The following CBLB variants were observed in gnomAD, a reference collection of about 807,000 sequenced individuals.
The protein encoded by CBLB is Cbl proto-oncogene B, also known as E3 ubiquitin-protein ligase CBL-B.
CBLB carries 31 observed loss-of-function variants against 104.9 expected under a neutral mutation model. The observed-to-expected ratio is 0.30, with a 90% CI of 0.22 to 0.40. The LOEUF is 0.40. Ranked by LOEUF, CBLB falls within the 10% of genes least tolerant of loss-of-function variation. The pLI is 1.00. For missense variants in CBLB, 1,062 were observed against 1,214.6 expected, an observed-to-expected ratio of 0.87 and a Z score of 1.87; for synonymous variants, 440 against 422.6, an observed-to-expected ratio of 1.04 and a Z score of -0.51.
intron 3 of CBLB, among the ~76,000 whole-genome samples, chr3:105,841,475 C>T (rs769916314): frequency 1.1e-4 from 17 of 151,358 alleles, no homozygotes; most frequent in South Asian, 2.1e-4. Context: ...TTTTTTGAGA[C>T]GGGGTCTCAC....
intron 6 of CBLB, among the ~76,000 whole-genome samples, chr3:105,741,123 G>A (rs1156991078): frequency 3.6e-5 from 4 of 111,700 alleles, no homozygotes; most frequent in East Asian, 2.7e-4. Flanking sequence ...TTTTTGAGAC[G>A]GAGTCTTACT....
intron 3 of CBLB, among the ~76,000 whole-genome samples, chr3:105,817,786 G>A (rs1027843563): frequency 2.0e-5 from 3 of 152,146 alleles, no homozygotes; most frequent in Admixed American, 2.0e-4. Flanking sequence ...AAGTTTTCAG[G>A]TTAATGTGAG....
At chr3:105,768,156 G>T (rs914169856) in intron 4 of CBLB, among the ~76,000 whole-genome samples, 1 of 152,140 alleles carries the variant, frequency 6.6e-6, no homozygotes, top group Non-Finnish European at 1.5e-5. Context: ...ATGACAACTA[G>T]ACAAATACTT....
At chr3:105,683,679 A>G (rs1244469709) in intron 14 of CBLB, among the ~76,000 whole-genome samples, 2 of 152,202 alleles carry the variant, frequency 1.3e-5, no homozygotes, top group African/African-American at 4.8e-5. Flanking sequence ...ATTTGATGAG[A>G]AGGAATATCT....
At chr3:105,776,661 G>T in intron 3 of CBLB, 119 bp from the exon 4 acceptor site, 1 of 923,368 alleles carries the variant, frequency 1.1e-6, no homozygotes, top group Non-Finnish European at 1.7e-6. Flanking sequence ...ATGTCTTGGT[G>T]GTTGATCACG....
Position 105,828,334 on chromosome 3 carries a change from A to C in CBLB, c.419+25080T>G, listed in dbSNP as rs570396803. The stretch of plus-strand genomic sequence containing the variant: ...GATGGATAACAATGGGGAAATATAT[A>C]ATGATAGGAAAGGGACAAAATGGAT... On this transcript the variant is annotated intron_variant, in intron 3 of 18. Coordinates refer to ENST00000394030, the MANE Select transcript of CBLB (RefSeq NM_170662.5). Among the ~76,000 whole-genome samples, 3 of 152,304 alleles carry C rather than the reference A, an allele frequency of 2.0e-5. No homozygotes were observed. The East Asian group carries it at 5.8e-4, about 29-fold the overall frequency.
rs2063323385 is a variant in CBLB, at chr3:105,656,101, T to C, written c.*2869A>G. Reference sequence around the variant, plus strand: ...CTGCTTTTATTCAATTCTAGAAAAATTTGGTGAGATATATCATACATTAGG... The same window carrying C: ...CTGCTTTTATTCAATTCTAGAAAAACTTGGTGAGATATATCATACATTAGG... On this transcript the variant is annotated 3_prime_UTR_variant, in exon 19 of 19. Coordinates refer to ENST00000394030, the MANE Select transcript of CBLB (RefSeq NM_170662.5). 1 of 222,104 alleles carries C rather than the reference T, an allele frequency of 4.5e-6. No homozygotes were observed. Among genetic ancestry groups the C allele is most frequent in the Admixed American group, 5.7e-5 (1 of 17,400 alleles). The allele number at this position is 222,104 out of a possible 1,614,324, so 13.8% of individuals were successfully genotyped here.
chr3:105,685,288 TG>T, intron 14 of CBLB, 31 bp downstream of exon 14: 2 of 1,582,648 alleles, frequency 1.3e-6, no homozygotes, highest in Non-Finnish European at 1.7e-6. Flanking sequence ...CTTATGCAGA[TG>T]TAAGTGGCAA....
intron 9 of CBLB, among the ~76,000 whole-genome samples, chr3:105,729,125 T>C (rs560992889): frequency 3.3e-5 from 5 of 152,246 alleles, no homozygotes; most frequent in African/African-American, 1.2e-4. Flanking sequence ...TTTAAAATCA[T>C]GTTCATATCA....
At chr3:105,833,510 C>T (rs1035971651) in intron 3 of CBLB, among the ~76,000 whole-genome samples, 22 of 151,950 alleles carry the variant, frequency 1.4e-4, no homozygotes, top group African/African-American at 4.6e-4. Flanking sequence ...GCTTTCAAAG[C>T]GACACTCAGC....
At position 105,867,486 on chromosome 3, in the gene CBLB, T is replaced by A. The variant is rs2092492416; in HGVS notation, c.92A>T (p.Asp31Val). 6 of 1,614,064 alleles carry A rather than the reference T, an allele frequency of 3.7e-6. No individual in the cohort carries two copies. The highest frequency in any genetic ancestry group is 5.1e-6 in the Non-Finnish European group (6 of 1,180,016). ...RILGIIDAIQ[D>V]AVGPPKQAAA... Reference sequence around the variant, plus strand: ...AGCTTGCTTAGGGGGTCCAACTGCATCCTGAATAGCATCAATAATACCCAA... The same window carrying A: ...AGCTTGCTTAGGGGGTCCAACTGCAACCTGAATAGCATCAATAATACCCAA... Residue 31 changes from aspartate (D) to valine (V), a missense_variant, in exon 2 of 19, where the codon GAT becomes GTT. Physicochemically the swap from Asp to Val is radical, Grantham distance 152 (BLOSUM62 -3). Coordinates refer to ENST00000394030, the MANE Select transcript of CBLB (RefSeq NM_170662.5).
At chr3:105,843,361 A>T (rs1489936753) in intron 3 of CBLB, among the ~76,000 whole-genome samples, 1 of 152,240 alleles carries the variant, frequency 6.6e-6, no homozygotes. Context: ...CAACATGGAA[A>T]ACACTTCCCA....
At chr3:105,699,115 G>A (rs1179718671) in intron 12 of CBLB, among the ~76,000 whole-genome samples, 1 of 152,000 alleles carries the variant, frequency 6.6e-6, no homozygotes, top group African/African-American at 2.4e-5. Context: ...TATAAGCACC[G>A]AGTTATTAAC....
intron 3 of CBLB, among the ~76,000 whole-genome samples, chr3:105,782,575 T>C (rs1162987890): frequency 1.4e-5 from 2 of 137,962 alleles, no homozygotes; most frequent in African/African-American, 2.7e-5. Flanking sequence ...ATTCTTTTCT[T>C]TTCTTTTTTT....
intron 12 of CBLB, among the ~76,000 whole-genome samples, chr3:105,701,719 C>T (rs1186426765): frequency 5.3e-5 from 8 of 150,992 alleles, no homozygotes; most frequent in East Asian, 2.0e-4. Flanking sequence ...GCCGAGATCA[C>T]GCCACTGCAC....
chr3:105,794,764 A>G (rs1192008191), intron 3 of CBLB, among the ~76,000 whole-genome samples: 2 of 152,214 alleles, frequency 1.3e-5, no homozygotes, highest in African/African-American at 4.8e-5. Flanking sequence ...ACATAAATAC[A>G]TAAAACTACA....
At chr3:105,746,518 G>C (rs1190015147) in intron 5 of CBLB, among the ~76,000 whole-genome samples, 1 of 152,020 alleles carries the variant, frequency 6.6e-6, no homozygotes, top group South Asian at 2.1e-4. Context: ...CTATTGTCTT[G>C]AACAAAAAAG....
chr3:105,777,485 G>A lies in CBLB; in HGVS notation c.420-943C>T, dbSNP rs114148319. ...ACCTCATCTCTACAAAAAATAAGCAGGGCGTGGGAGCGCATGCCTATAGCC... is the reference window on the plus strand; with the variant it reads ...ACCTCATCTCTACAAAAAATAAGCAAGGCGTGGGAGCGCATGCCTATAGCC... On this transcript the variant is annotated intron_variant, in intron 3 of 18. Coordinates refer to ENST00000394030, the MANE Select transcript of CBLB (RefSeq NM_170662.5). Among the ~76,000 whole-genome samples the A allele has an allele frequency of 3.8e-3, 573 of 152,252 alleles. 3 individuals carry two copies. Among genetic ancestry groups the A allele is most frequent in the Non-Finnish European group, 6.7e-3 (453 of 68,006 alleles).
chr3:105,751,654 C>A (rs2076605061), intron 4 of CBLB, 36 bp from the exon 5 acceptor site: 1 of 1,569,454 alleles, frequency 6.4e-7, no homozygotes, highest in East Asian at 2.2e-5. Flanking sequence ...ATAATTGAAT[C>A]AAGTATCATT....
Sources: gnomAD v4.1 joint callset for allele counts (sites outside exome capture counted in the v4.1 genomes callset) on GRCh38, gnomAD v4.1.1 for gene constraint, MANE v1.5 for transcripts, NCBI Gene and HGNC (gene_info 2026-07-23, HGNC 2026-07-21) for gene names.